TACR2: variants seen among roughly 807,000 people sequenced by gnomAD.
The protein encoded by TACR2 is substance-K receptor.
Under a neutral mutation model 28.9 loss-of-function variants are expected in TACR2, and 24 were observed. The ratio of observed to expected loss-of-function variants is 0.83; its 90% CI spans 0.60 to 1.17. The LOEUF (loss-of-function observed/expected upper bound fraction) is 1.17, where lower values mean the gene tolerates loss of function less well. Ranked by LOEUF, TACR2 falls within the 50% of genes most tolerant of loss-of-function variation. The pLI, the probability that TACR2 is intolerant of heterozygous loss-of-function variation, is 0.00. For missense variants in TACR2, 487 were observed against 524.4 expected (o/e 0.93, Z 0.70); for synonymous variants, 222 against 212.6 (o/e 1.04, Z -0.38).
rs1369325494 is a variant in TACR2 at position 69,416,830 on chromosome 10, C to G, written c.-507G>C. The G allele has an allele frequency of 2.0e-5, 3 of 152,902 alleles. No homozygotes were observed. The highest frequency in any genetic ancestry group is 2.0e-4 in the Admixed American group (3 of 15,344). The allele number at this position is 152,902 out of a possible 1,614,324, so 9.5% of individuals were successfully genotyped here. The stretch of plus-strand genomic sequence containing the variant: ...GGTCAATGGCGCAGCAGCCTCTCTC[C>G]AGGCTTTGGGCTGCAAGCCGGGCTG... On this transcript the variant is annotated 5_prime_UTR_variant, in exon 1 of 5. Coordinates refer to ENST00000373306, the MANE Select transcript of TACR2 (RefSeq NM_001057.3).
intron 4 of TACR2, 102 bp downstream of exon 4, chr10:69,406,982 C>T (rs994941212): frequency 6.6e-5 from 83 of 1,254,306 alleles, no homozygotes; most frequent in Non-Finnish European, 8.9e-5. Context: ...CCACAGGTTC[C>T]GGCAGGAATG....
intron 2 of TACR2, among the ~76,000 whole-genome samples, chr10:69,414,370 A>G (rs1840593957): frequency 6.6e-6 from 1 of 152,242 alleles, no homozygotes; most frequent in Admixed American, 6.5e-5. Context: ...GCCTGTGTGC[A>G]AACACATCTA....
intron 2 of TACR2, 36 bp downstream of exon 2, chr10:69,414,909 A>G: frequency 6.3e-7 from 1 of 1,583,084 alleles, no homozygotes; most frequent in Non-Finnish European, 8.6e-7. Context: ...TCACACACAC[A>G]CACTGTTGCC....
chr10:69,411,412 A>C (rs190628268), intron 2 of TACR2, among the ~76,000 whole-genome samples: 9 of 152,354 alleles, frequency 5.9e-5, no homozygotes, highest in Non-Finnish European at 7.3e-5. Flanking sequence ...AGCAAAATTG[A>C]TAACAGCCCT....
intron 1 of TACR2, among the ~76,000 whole-genome samples, chr10:69,415,391 C>T (rs922655074): frequency 6.6e-6 from 1 of 152,208 alleles, no homozygotes; most frequent in South Asian, 2.1e-4. Flanking sequence ...TGGGCATGGA[C>T]ATGCCCGTGG....
At chr10:69,415,395 C>T (rs934007144) in intron 1 of TACR2, among the ~76,000 whole-genome samples, 2 of 152,214 alleles carry the variant, frequency 1.3e-5, no homozygotes, top group African/African-American at 4.8e-5. Flanking sequence ...CATGGACATG[C>T]CCGTGGACGG....
At chr10:69,410,467 G>A (rs563948961) in intron 2 of TACR2, among the ~76,000 whole-genome samples, 1 of 150,376 alleles carries the variant, frequency 6.6e-6, no homozygotes, top group African/African-American at 2.5e-5. Context: ...GCTGTAATGA[G>A]CTATGATTGG....
rs1382786130 is a variant in TACR2, at chr10:69,404,762, G to T, written c.*64C>A. Reference sequence around the variant, plus strand: ...GGAAGGCATTAATCTATTCATAAGGGATCCATCCCCAATACCCAAACACCT... The same window carrying T: ...GGAAGGCATTAATCTATTCATAAGGTATCCATCCCCAATACCCAAACACCT... On this transcript the variant is annotated 3_prime_UTR_variant, in exon 5 of 5. Transcript: ENST00000373306. The T allele has an allele frequency of 6.3e-6, 5 of 799,560 alleles. No individual in the cohort carries two copies. In the African/African-American group the frequency reaches 7.0e-5, roughly 11 times the overall value. The allele number at this position is 799,560 out of a possible 1,614,324, so 49.5% of individuals were successfully genotyped here. A position where few individuals can be genotyped will look rare whatever the true frequency, so the allele number is the denominator to read the frequency against.
chr10:69,416,157 C>T lies in TACR2; in HGVS notation c.167G>A (p.Trp56Ter). The T allele has an allele frequency of 6.2e-7, 1 of 1,614,198 alleles. No homozygotes were observed. Among genetic ancestry groups the T allele is most frequent in the Non-Finnish European group, 8.5e-7 (1 of 1,180,030 alleles). The change falls in exon 1 of 5, where the codon TGG becomes TAG. Residue 56 changes from tryptophan to a stop codon, truncating the protein, a stop_gained. Transcript: ENST00000373306. LOFTEE classifies it high-confidence loss of function. ...CATCCTCCGATGGGCCAGGATGATC[C>T]AGATGACGATGGCATTACCCGTCAC... ...VAVTGNAIVI[W>*]IILAHRRMRT...
At position 69,416,414 on chromosome 10, in the gene TACR2, A is replaced by AT. The variant is rs1225821671; in HGVS notation, c.-92dup. The AT allele has an allele frequency of 3.7e-5, 56 of 1,506,510 alleles. No individual in the cohort carries two copies. Among genetic ancestry groups the AT allele is most frequent in the Middle Eastern group, 4.4e-4 (2 of 4,542 alleles). 93.3% of individuals were successfully genotyped at this position (1,506,510 alleles called of 1,614,324 possible). ...GAACTCCCCTTCAGAGCATGGGAAT[A>AT]TGGGGGCAGGGAGAGGAGCAGATGC... On this transcript the variant is annotated 5_prime_UTR_variant, in exon 1 of 5. It removes the in-frame stop codon of an upstream open reading frame in the 5' UTR. Transcript: ENST00000373306.
intron 3 of TACR2, among the ~76,000 whole-genome samples, chr10:69,407,727 G>A (rs12245279): frequency 0.017 from 2,532 of 152,224 alleles, 74 homozygotes; most frequent in African/African-American, 0.058. Context: ...GGGCTGTAAG[G>A]TTCCAACCAG....
intron 1 of TACR2, 93 bp from the exon 2 acceptor site, chr10:69,415,232 CT>C: frequency 1.4e-6 from 2 of 1,380,478 alleles, no homozygotes; most frequent in Non-Finnish European, 2.0e-6. Flanking sequence ...AGGCCCACGC[CT>C]TCTAGCCATT....
At position 69,409,025 on chromosome 10, in the gene TACR2, A is replaced by G. The variant is rs762918699; in HGVS notation, c.638T>C (p.Met213Thr). 1 of 1,607,954 alleles carries G rather than the reference A, an allele frequency of 6.2e-7. No homozygotes were observed. The highest frequency in any genetic ancestry group is 1.1e-5 in the South Asian group (1 of 90,398). Reference sequence around the variant, plus strand: ...GCCGATGACGCTGTAGGCTACAAACATCACCGCGAGCGGCAGGAAGTAGAT... The same window carrying G: ...GCCGATGACGCTGTAGGCTACAAACGTCACCGCGAGCGGCAGGAAGTAGAT... ...ALIYFLPLAV[M>T]FVAYSVIGLT... Residue 213 changes from methionine to threonine, a missense_variant, in exon 3 of 5, where the codon ATG becomes ACG. Transcript: ENST00000373306.
At chr10:69,405,367 C>G (rs925465677) in intron 4 of TACR2, among the ~76,000 whole-genome samples, 1 of 150,236 alleles carries the variant, frequency 6.7e-6, no homozygotes, top group African/African-American at 2.5e-5. Flanking sequence ...AGCATAATTA[C>G]TAAAAAAACC....
In TACR2 at chr10:69,409,890, C is replaced by CATATAT. The variant is rs1390944288; in HGVS notation, c.588-821_588-816dup. Among the ~76,000 whole-genome samples, 132 of 34,984 alleles carry CATATAT rather than the reference C, an allele frequency of 3.8e-3. 6 individuals are homozygous for CATATAT. The East Asian group carries it at 0.057, about 15-fold the overall frequency. The allele number at this position is 34,984 out of a possible 152,430, so 23.0% of individuals were successfully genotyped here. Reference sequence around the variant, plus strand: ...GTATATATATATATATACATATATACATATATATATATACATATATATATA... The same window carrying CATATAT: ...GTATATATATATATATACATATATACATATATATATATATATATACATATATATATA... On this transcript the variant is annotated intron_variant, in intron 2 of 4. Coordinates refer to ENST00000373306, the MANE Select transcript of TACR2 (RefSeq NM_001057.3).
At chr10:69,408,252 C>CG (rs1564580342) in intron 3 of TACR2, among the ~76,000 whole-genome samples, 1 of 152,146 alleles carries the variant, frequency 6.6e-6, no homozygotes, top group African/African-American at 2.4e-5. Context: ...CCACGACCTC[C>CG]GGGGTCCGCA....
chr10:69,416,410 G>C lies in TACR2; in HGVS notation c.-87C>G. The C allele has an allele frequency of 6.6e-7, 1 of 1,508,150 alleles. No homozygotes were observed. Among genetic ancestry groups the C allele is most frequent in the Non-Finnish European group, 8.9e-7 (1 of 1,128,168 alleles). 93.4% of individuals were successfully genotyped at this position (1,508,150 alleles called of 1,614,324 possible). A position where few individuals can be genotyped will look rare whatever the true frequency, so the allele number is the denominator to read the frequency against. ...AAGAGAACTCCCCTTCAGAGCATGG[G>C]AATATGGGGGCAGGGAGAGGAGCAG... On this transcript the variant is annotated 5_prime_UTR_variant, in exon 1 of 5. Coordinates refer to ENST00000373306, the MANE Select transcript of TACR2 (RefSeq NM_001057.3).
In TACR2 at chr10:69,416,189, C is replaced by T; in HGVS notation, c.135G>A (p.Leu45=). 1 of 1,614,206 alleles carries T rather than the reference C, an allele frequency of 6.2e-7. No individual in the cohort carries two copies. Among genetic ancestry groups the T allele is most frequent in the Non-Finnish European group, 8.5e-7 (1 of 1,180,036 alleles). Residue 45 remains leucine, a synonymous_variant, in exon 1 of 5, where the codon CTG becomes CTA. Transcript: ENST00000373306. ...LWATAYLALV[L]VAVTGNAIVI... ...CGATGGCATTACCCGTCACGGCCAC[C>T]AGCACCAGGGCCAGGTAGGCTGTGG...
At chr10:69,406,721 C>A (rs1177975458) in intron 4 of TACR2, among the ~76,000 whole-genome samples, 2 of 152,216 alleles carry the variant, frequency 1.3e-5, no homozygotes, top group Non-Finnish European at 2.9e-5. Flanking sequence ...TTTCCTTCGT[C>A]TGTCTGTCCC....
Sources: allele counts gnomAD v4.1 joint callset (sites outside exome capture counted in the v4.1 genomes callset), GRCh38; gene constraint gnomAD v4.1.1; transcripts MANE v1.5; gene names NCBI Gene and HGNC (gene_info 2026-07-23, HGNC 2026-07-21).